Variants in BTRC observed in about 807,000 individuals in gnomAD.
The protein encoded by BTRC is F-box/WD repeat-containing protein 1A.
In BTRC, 42 loss-of-function variants were observed where a neutral mutation model predicts 85.5. That is an observed-to-expected ratio of 0.49 (90% confidence interval 0.38 to 0.64). BTRC has a LOEUF of 0.64. BTRC is among the 30% of genes least tolerant of loss of function. The pLI is 0.00. For synonymous variants in BTRC, 255 were observed against 263.3 expected (o/e 0.97, Z 0.30); for missense variants, 594 against 743.5 (o/e 0.80, Z 2.34).
intron 1 of BTRC, among the ~76,000 whole-genome samples, chr10:101,405,300 A>G (rs908466747): frequency 2.0e-5 from 3 of 151,654 alleles, no homozygotes; most frequent in East Asian, 1.9e-4. Context: ...TAGGATCACA[A>G]CTCCTCTGAT....
chr10:101,428,544 T>C (rs544269794), intron 1 of BTRC, among the ~76,000 whole-genome samples: 1 of 152,326 alleles, frequency 6.6e-6, no homozygotes, highest in East Asian at 1.9e-4. Flanking sequence ...GATACCCTTC[T>C]TTTGAAGCCC....
Position 101,556,918 on chromosome 10 carries a change from G to A in BTRC, c.*3795G>A, listed in dbSNP as rs1158847175. 1 of 152,210 alleles carries A rather than the reference G, an allele frequency of 6.6e-6. No individual in the cohort carries two copies. The highest frequency in any genetic ancestry group is 2.4e-5 in the African/African-American group (1 of 41,436). The allele number at this position is 152,210 out of a possible 1,614,324, so 9.4% of individuals were successfully genotyped here. ...CAGTGCAGTTAAGTCGTATTTTAAA[G>A]TGTTACCTCCCCTCCTAACCCTTCC... On this transcript the variant is annotated 3_prime_UTR_variant, in exon 15 of 15. Coordinates refer to ENST00000370187, the MANE Select transcript of BTRC (RefSeq NM_033637.4).
intron 1 of BTRC, among the ~76,000 whole-genome samples, chr10:101,423,348 A>T (rs193023248): frequency 3.3e-4 from 51 of 152,368 alleles, no homozygotes; most frequent in African/African-American, 1.2e-3. Context: ...TTAGTTTGTT[A>T]TACAGAGAAT....
intron 1 of BTRC, among the ~76,000 whole-genome samples, chr10:101,357,674 T>G (rs1338872892): frequency 2.6e-5 from 4 of 152,168 alleles, no homozygotes; most frequent in African/African-American, 4.8e-5. Context: ...CAGAATGAAA[T>G]GGATACTCTC....
chr10:101,486,263 A>G (rs947407488), intron 4 of BTRC, among the ~76,000 whole-genome samples: 3 of 152,206 alleles, frequency 2.0e-5, no homozygotes, highest in African/African-American at 7.2e-5. Context: ...CAATTTCCCA[A>G]TAAACTCTGA....
At position 101,409,537 on chromosome 10, in the gene BTRC, C is replaced by G. The variant is rs1475008117; in HGVS notation, c.49-20808C>G. On this transcript the variant is annotated intron_variant, in intron 1 of 14. Transcript: ENST00000370187. The stretch of plus-strand genomic sequence containing the variant: ...ACGTCATCTAGTGTACTTACACAAA[C>G]CTAGGTAGTATAGCCTACTATATAC... Among the ~76,000 whole-genome samples the G allele has an allele frequency of 2.6e-5, 4 of 152,212 alleles. No individual in the cohort carries two copies. In the East Asian group the frequency reaches 7.7e-4, roughly 29 times the overall value.
At chr10:101,362,183 T>G (rs765776099) in intron 1 of BTRC, among the ~76,000 whole-genome samples, 14 of 151,844 alleles carry the variant, frequency 9.2e-5, no homozygotes, top group Admixed American at 2.0e-4. Flanking sequence ...ACAGTCTCGA[T>G]CTCCTCCTTG....
intron 3 of BTRC, among the ~76,000 whole-genome samples, chr10:101,467,695 G>GT (rs956538537): frequency 6.6e-6 from 1 of 151,172 alleles, no homozygotes; most frequent in Non-Finnish European, 1.5e-5. Context: ...TGGGCTTTGG[G>GT]TAAAAAAAAA....
intron 6 of BTRC, among the ~76,000 whole-genome samples, chr10:101,528,092 C>T (rs2062226250): frequency 1.3e-5 from 2 of 152,122 alleles, no homozygotes; most frequent in South Asian, 4.1e-4. Flanking sequence ...AAAAAAGAAT[C>T]TCGTCTCCAA....
chr10:101,393,619 G>A (rs1943291367), intron 1 of BTRC, among the ~76,000 whole-genome samples: 4 of 152,184 alleles, frequency 2.6e-5, no homozygotes, highest in Non-Finnish European at 5.9e-5. Flanking sequence ...GGTTAGGGTT[G>A]AAGTTAGACA....
At chr10:101,366,253 A>G (rs566999343) in intron 1 of BTRC, among the ~76,000 whole-genome samples, 1 of 152,196 alleles carries the variant, frequency 6.6e-6, no homozygotes, top group East Asian at 1.9e-4. Flanking sequence ...TGTACCTGTA[A>G]TGTAATTTGA....
At chr10:101,489,858 C>T (rs1318892767) in intron 4 of BTRC, among the ~76,000 whole-genome samples, 3 of 152,066 alleles carry the variant, frequency 2.0e-5, no homozygotes, top group Non-Finnish European at 2.9e-5. Context: ...TTTGTTTATA[C>T]TGTAATCCCA....
At chr10:101,519,127 G>A (rs1183576442) in intron 4 of BTRC, among the ~76,000 whole-genome samples, 1 of 140,950 alleles carries the variant, frequency 7.1e-6, no homozygotes, top group Non-Finnish European at 1.5e-5. Context: ...TGCCCAGGCT[G>A]GAGTGCAATG....
At chr10:101,550,627 A>T (rs1405244621) in intron 13 of BTRC, 72 bp from the exon 14 acceptor site, 18 of 1,493,166 alleles carry the variant, frequency 1.2e-5, no homozygotes, top group Admixed American at 5.2e-5. Flanking sequence ...TCCTTTTGAC[A>T]TGTTGCTGAA....
rs550602113 is a variant in BTRC at position 101,392,166 on chromosome 10, G to A, written c.48+37938G>A. 9.9e-5 allele frequency among the ~76,000 whole-genome samples: 15 copies of A among 152,256 alleles called. No individual in the cohort carries two copies. In the South Asian group the frequency reaches 2.3e-3, roughly 23 times the overall value. ...AGCTAATTTTTGTATTTTTGATAGCGACTGGGTTTCACCATGTTGGTCAGG... is the reference window on the plus strand; with the variant it reads ...AGCTAATTTTTGTATTTTTGATAGCAACTGGGTTTCACCATGTTGGTCAGG... On this transcript the variant is annotated intron_variant, in intron 1 of 14. Transcript: ENST00000370187.
chr10:101,497,120 TCC>T, intron 4 of BTRC, among the ~76,000 whole-genome samples: 1 of 152,338 alleles, frequency 6.6e-6, no homozygotes, highest in African/African-American at 2.4e-5. Context: ...TTCTTTGTTT[TCC>T]AGTGTGATAC....
intron 4 of BTRC, among the ~76,000 whole-genome samples, chr10:101,509,039 T>C (rs564806337): frequency 1.8e-4 from 27 of 151,970 alleles, no homozygotes; most frequent in Non-Finnish European, 3.5e-4. Flanking sequence ...TATCTTGAAA[T>C]CTCCTTGTAA....
chr10:101,373,510 G>T (rs1337460388), intron 1 of BTRC, among the ~76,000 whole-genome samples: 1 of 152,146 alleles, frequency 6.6e-6, no homozygotes, highest in Non-Finnish European at 1.5e-5. Flanking sequence ...GCAATTAGAG[G>T]GTTATCAAAG....
intron 13 of BTRC, 100 bp downstream of exon 13, chr10:101,538,471 C>T (rs1203072049): frequency 1.6e-5 from 17 of 1,051,652 alleles, no homozygotes; most frequent in Non-Finnish European, 2.3e-5. Flanking sequence ...ATAGTTACAA[C>T]CTCACAAAAC....
Sources: allele counts gnomAD v4.1 joint callset (sites outside exome capture counted in the v4.1 genomes callset), GRCh38; gene constraint gnomAD v4.1.1; transcripts MANE v1.5; gene names NCBI Gene and HGNC (gene_info 2026-07-23, HGNC 2026-07-21).